The following ELMO2 variants were observed in gnomAD, a reference collection of about 807,000 sequenced individuals.
ELMO2 encodes engulfment and cell motility protein 2.
ELMO2 carries 37 observed loss-of-function variants against 96.2 expected under a neutral mutation model. That is an observed-to-expected ratio of 0.38 (90% CI 0.30 to 0.51). The LOEUF (loss-of-function observed/expected upper bound fraction) is 0.51, where lower values mean the gene tolerates loss of function less well. ELMO2 is among the 20% of genes least tolerant of loss of function. The probability of loss-of-function intolerance (pLI) is 0.88; values close to 1 mark genes in which losing one functional copy is unlikely to be tolerated. For missense variants in ELMO2, 561 were observed against 912.6 expected (o/e 0.61, Z 4.96); for synonymous variants, 315 against 329.4 (o/e 0.96, Z 0.47).
rs1459364436 is a variant in ELMO2, at chr20:46,367,420, T to C, written c.2103A>G (p.Glu701=). 1 of 1,608,000 alleles carries C rather than the reference T, an allele frequency of 6.2e-7. No individual in the cohort carries two copies. Residue 701 remains glutamate, a synonymous_variant, in exon 22 of 22, where the codon GAA becomes GAG. Coordinates refer to ENST00000290246, the MANE Select transcript of ELMO2 (RefSeq NM_133171.5). ...LLDLENIQIP[E]APPPIPKEPS... ...GCTCCTTGGGGATGGGGGGTGGGGC[T>C]TCGGGAATCTGGATGTTCTCCAGGT...
At chr20:46,382,216 A>G in intron 10 of ELMO2, 1 of 1,289,854 alleles carries the variant, frequency 7.8e-7, no homozygotes, top group Non-Finnish European at 1.0e-6. Context: ...AGTGACAGGC[A>G]GGTCTAGAGG....
chr20:46,389,166 G>A lies in ELMO2; in HGVS notation c.298C>T (p.Arg100Trp), dbSNP rs187095956. The A allele has an allele frequency of 3.7e-6, 6 of 1,614,150 alleles. No homozygotes were observed. The highest frequency in any genetic ancestry group is 1.7e-5 in the Admixed American group (1 of 60,008). ...GCCAGCTCCTTCATGGCATCCAGCCGGGTCTCCATGTTGGATGACTGGGTC... is the reference window on the plus strand; with the variant it reads ...GCCAGCTCCTTCATGGCATCCAGCCAGGTCTCCATGTTGGATGACTGGGTC... ...ERTQSSNMET[R>W]LDAMKELAKL... The change falls in exon 7 of 22, where the codon CGG becomes TGG. Residue 100 changes from arginine to tryptophan, a missense_variant. Coordinates refer to ENST00000290246, the MANE Select transcript of ELMO2 (RefSeq NM_133171.5).
intron 1 of ELMO2, among the ~76,000 whole-genome samples, chr20:46,406,162 C>G (rs1156317944): frequency 6.6e-6 from 1 of 152,144 alleles, no homozygotes; most frequent in Admixed American, 6.5e-5. Context: ...CGGGCCCGCC[C>G]CGAGCGCTCT....
At chr20:46,403,390 A>C (rs2060367672) in intron 1 of ELMO2, among the ~76,000 whole-genome samples, 1 of 152,256 alleles carries the variant, frequency 6.6e-6, no homozygotes, top group Non-Finnish European at 1.5e-5. Flanking sequence ...CTAGTGACTC[A>C]CATGAAACCA....
At chr20:46,387,519 T>C in intron 7 of ELMO2, 82 bp from the exon 8 acceptor site, 1 of 1,058,218 alleles carries the variant, frequency 9.4e-7, no homozygotes, top group Admixed American at 2.0e-5. Context: ...ACAAAAAAGA[T>C]GAATTTTAAT....
Position 46,376,935 on chromosome 20 carries a change from T to G in ELMO2, c.808-1145A>C, listed in dbSNP as rs923123717. On this transcript the variant is annotated intron_variant, in intron 11 of 21. Coordinates refer to ENST00000290246, the MANE Select transcript of ELMO2 (RefSeq NM_133171.5). ...TTAGTTGCACCAGCCACATTTTAAG[T>G]GCTTAGTAGTCACCGTGGCTAGCGG... 4 of 634,528 alleles carry G rather than the reference T, an allele frequency of 6.3e-6. No individual in the cohort carries two copies. The African/African-American group carries it at 7.8e-5, about 12-fold the overall frequency. The allele number at this position is 634,528 out of a possible 1,614,324, so 39.3% of individuals were successfully genotyped here.
intron 11 of ELMO2, among the ~76,000 whole-genome samples, chr20:46,377,159 C>T (rs2059876169): frequency 6.8e-5 from 2 of 29,432 alleles, no homozygotes; most frequent in Non-Finnish European, 1.3e-4. Flanking sequence ...TTGGTAGCCC[C>T]CAGGCCCATG....
intron 2 of ELMO2, among the ~76,000 whole-genome samples, chr20:46,397,432 G>A (rs1415384211): frequency 6.6e-6 from 1 of 152,214 alleles, no homozygotes; most frequent in Non-Finnish European, 1.5e-5. Flanking sequence ...CACTTTGGGA[G>A]GCCAAGGTGG....
At chr20:46,390,997 C>G (rs552005888) in intron 6 of ELMO2, 1 of 152,490 alleles carries the variant, frequency 6.6e-6, no homozygotes, top group Non-Finnish European at 1.5e-5. Context: ...CTCCAAATGT[C>G]AATTTTCCTC....
chr20:46,405,965 G>A (rs1307309856), intron 1 of ELMO2, among the ~76,000 whole-genome samples: 2 of 152,138 alleles, frequency 1.3e-5, no homozygotes, highest in African/African-American at 4.8e-5. Context: ...GCCTGCGCAG[G>A]GCAGACCAGT....
In ELMO2 at chr20:46,374,559, C is replaced by A; in HGVS notation, c.1147G>T (p.Val383Phe). ...ALDNMLYLAKVHQDTYIRIVL... is the reference protein window; with the variant it reads ...ALDNMLYLAKFHQDTYIRIVL... ...ACCCGGATGTAGGTGTCCTGGTGGA[C>A]TTTAGCCAAGTACAGCATGTTGTCC... The change falls in exon 14 of 22, where the codon GTC (valine) becomes TTC (phenylalanine). Residue 383 changes from valine to phenylalanine, a missense_variant. Transcript: ENST00000290246. The A allele has an allele frequency of 6.2e-7, 1 of 1,614,180 alleles. No individual in the cohort carries two copies.
At chr20:46,380,608 C>G (rs1389189021) in intron 10 of ELMO2, among the ~76,000 whole-genome samples, 2 of 152,186 alleles carry the variant, frequency 1.3e-5, no homozygotes, top group African/African-American at 4.8e-5. Flanking sequence ...GCTTGTGTCA[C>G]AAGGACATTG....
intron 3 of ELMO2, 135 bp from the exon 4 acceptor site, chr20:46,394,224 G>C: frequency 8.9e-7 from 1 of 1,118,766 alleles, no homozygotes; most frequent in Non-Finnish European, 1.3e-6. Context: ...TTGTTGAAGA[G>C]GAAGCCTCTC....
Position 46,375,722 on chromosome 20 carries a change from T to G in ELMO2, c.876A>C (p.Leu292=). 1 of 1,614,190 alleles carries G rather than the reference T, an allele frequency of 6.2e-7. No homozygotes were observed. Among genetic ancestry groups the G allele is most frequent in the South Asian group, 1.1e-5 (1 of 91,084 alleles). ...TCCTTTCTTCCAGAAGGTTAAAGGTTAGGACTTGAAGGACATATAGCTGAT... is the reference window on the plus strand; with the variant it reads ...TCCTTTCTTCCAGAAGGTTAAAGGTGAGGACTTGAAGGACATATAGCTGAT... ...MAHQLYVLQV[L]TFNLLEERMM... The change falls in exon 12 of 22, where the codon CTA becomes CTC. Residue 292 remains leucine (L), a synonymous_variant. Transcript: ENST00000290246. The surrounding 1 kb of genome is among the most constrained non-coding windows in gnomAD (Gnocchi z 4.6).
In ELMO2 at chr20:46,370,530, T is replaced by A; in HGVS notation, c.1802-5A>T. The A allele has an allele frequency of 6.2e-7, 1 of 1,613,782 alleles. No individual in the cohort carries two copies. The highest frequency in any genetic ancestry group is 8.5e-7 in the Non-Finnish European group (1 of 1,179,672). On this transcript the variant is annotated splice_polypyrimidine_tract_variant and splice_region_variant and intron_variant, in intron 19 of 21. Coordinates refer to ENST00000290246, the MANE Select transcript of ELMO2 (RefSeq NM_133171.5). ...CCTTAATGTCTGCAACAGGAACTGATAAATGATGGGAATTAGTCTCTGGAA... is the reference window on the plus strand; with the variant it reads ...CCTTAATGTCTGCAACAGGAACTGAAAAATGATGGGAATTAGTCTCTGGAA...
Position 46,367,387 on chromosome 20 carries a change from G to C in ELMO2, c.2136C>G (p.Ser712Arg), listed in dbSNP as rs771891555. Residue 712 changes from serine (S) to arginine (R), a missense_variant, in exon 22 of 22, where the codon AGC becomes AGG. Transcript: ENST00000290246. ...AGCCATAGTGATAGACAAAGTCATA[G>C]CTGCTGGGCTCCTTGGGGATGGGGG... ...APPPIPKEPS[S>R]YDFVYHYG The C allele has an allele frequency of 1.3e-6, 2 of 1,587,620 alleles. No individual in the cohort carries two copies. Among genetic ancestry groups the C allele is most frequent in the Non-Finnish European group, 1.7e-6 (2 of 1,167,006 alleles).
At position 46,375,524 on chromosome 20, in the gene ELMO2, G is replaced by A. The variant is rs979596894; in HGVS notation, c.930+144C>T. 8 of 1,483,570 alleles carry A rather than the reference G, an allele frequency of 5.4e-6. No homozygotes were observed. In the Admixed American group the frequency reaches 1.6e-4, roughly 29 times the overall value. The allele number at this position is 1,483,570 out of a possible 1,614,324, so 91.9% of individuals were successfully genotyped here. ...CCACAGCAGGACAGAAATGGGCTTGGCTCATGGTGCAGATCATGCTAGATT... is the reference window on the plus strand; with the variant it reads ...CCACAGCAGGACAGAAATGGGCTTGACTCATGGTGCAGATCATGCTAGATT... On this transcript the variant is annotated intron_variant, in intron 12 of 21. Coordinates refer to ENST00000290246, the MANE Select transcript of ELMO2 (RefSeq NM_133171.5). The surrounding 1 kb of genome is among the most constrained non-coding windows in gnomAD (Gnocchi z 4.6).
intron 1 of ELMO2, among the ~76,000 whole-genome samples, chr20:46,400,950 C>T (rs2060325392): frequency 6.6e-6 from 1 of 152,206 alleles, no homozygotes; most frequent in Non-Finnish European, 1.5e-5. Flanking sequence ...AAGATGATCT[C>T]CTCCTATTAG....
chr20:46,382,107 A>C (rs1295629724), intron 10 of ELMO2: 1 of 1,092,260 alleles, frequency 9.2e-7, no homozygotes, highest in Admixed American at 2.3e-5. Context: ...GGGTCTTGGC[A>C]TGCCCTGAAC....
Sources: gnomAD v4.1 joint callset for allele counts (sites outside exome capture counted in the v4.1 genomes callset) on GRCh38, gnomAD v4.1.1 for gene constraint, Gnocchi (gnomAD v3.1) non-coding constraint, MANE v1.5 for transcripts, NCBI Gene and HGNC (gene_info 2026-07-23, HGNC 2026-07-21) for gene names.